Variants in NBAS observed in about 807,000 individuals in gnomAD.
NBAS encodes NBAS subunit of NRZ tethering complex, also known as NAG/BC035112 fusion.
A neutral mutation model predicts 302.5 loss-of-function variants in NBAS; 219 were observed. That is an observed-to-expected ratio of 0.72 (90% CI 0.65 to 0.81). The LOEUF (loss-of-function observed/expected upper bound fraction) is 0.81. Ranked by LOEUF, NBAS falls within the 30% of genes least tolerant of loss-of-function variation. The pLI is 0.00. For synonymous variants in NBAS, 1,118 were observed against 1,021.6 expected (o/e 1.09, Z -1.80); for missense variants, 2,932 against 2,841.6 (o/e 1.03, Z -0.72).
At chr2:15,130,213 C>A in the NBAS span, among the ~76,000 whole-genome samples, 69,630 of 152,156 alleles carry the variant, frequency 0.46, 18,303 homozygotes, top group Non-Finnish European at 0.57. Flanking sequence ...CCATGTTGAA[C>A]TATGTATCAG....
intron 21 of NBAS, among the ~76,000 whole-genome samples, chr2:15,439,449 G>C (rs2148509039): frequency 6.6e-6 from 1 of 151,462 alleles, no homozygotes; most frequent in South Asian, 2.1e-4. Context: ...CTGCACCCCA[G>C]AAAAAAGCTT....
intron 25 of NBAS, among the ~76,000 whole-genome samples, chr2:15,411,871 AGT>A (rs1676704059): frequency 6.6e-6 from 1 of 152,146 alleles, no homozygotes; most frequent in South Asian, 2.1e-4. Context: ...AAAGATTACT[AGT>A]TTAGAAGTCA....
rs1297443592 is a variant in NBAS, at chr2:15,292,777, C to T, written c.4798-11G>A. 2.5e-6 allele frequency: 4 copies of T among 1,613,210 alleles called. No homozygotes were observed. The highest frequency in any genetic ancestry group is 2.2e-5 in the East Asian group (1 of 44,870). On this transcript the variant is annotated splice_polypyrimidine_tract_variant and intron_variant, in intron 40 of 51. Coordinates refer to ENST00000281513, the MANE Select transcript of NBAS (RefSeq NM_015909.4). ...TTCTTTGGGATCAGCCTATGAAAGA[C>T]ATGGAAAAGAAGACATTTTACCAAC...
chr2:15,278,289 T>C (rs1669675739), intron 42 of NBAS, among the ~76,000 whole-genome samples: 1 of 152,208 alleles, frequency 6.6e-6, no homozygotes, highest in African/African-American at 2.4e-5. Context: ...AAACCTTATT[T>C]TTCCATTAAG....
rs115062767 is a variant in NBAS, at chr2:15,282,798, A to C, written c.5138+4275T>G. On this transcript the variant is annotated intron_variant, in intron 42 of 51. Transcript: ENST00000281513. Reference sequence around the variant, plus strand: ...AGTATAAAGACATGTCCTGTCCTCCATTTAGTTCTCCTTTGCTTACTCTGT... The same window carrying C: ...AGTATAAAGACATGTCCTGTCCTCCCTTTAGTTCTCCTTTGCTTACTCTGT... 6.0e-3 allele frequency among the ~76,000 whole-genome samples: 915 copies of C among 152,288 alleles called. 4 individuals carry two copies. The highest frequency in any genetic ancestry group is 0.019 in the African/African-American group (797 of 41,560).
intron 44 of NBAS, among the ~76,000 whole-genome samples, chr2:15,244,815 T>C (rs1668016176): frequency 6.6e-6 from 1 of 152,180 alleles, no homozygotes; most frequent in Admixed American, 6.5e-5. Flanking sequence ...GGGTGGGCTG[T>C]AGCAGACAGT....
chr2:14,944,250 AGAT>A, the NBAS span, among the ~76,000 whole-genome samples: 1 of 152,314 alleles, frequency 6.6e-6, no homozygotes, highest in Admixed American at 6.5e-5. Flanking sequence ...CAGTGAGCCG[AGAT>A]CGATCGCACC....
At chr2:14,782,611 T>C in the NBAS span, among the ~76,000 whole-genome samples, 8 of 152,154 alleles carry the variant, frequency 5.3e-5, no homozygotes, top group Non-Finnish European at 7.3e-5. Flanking sequence ...ACTGGGTTTA[T>C]ACCCAAAGGA....
At chr2:15,466,199 G>A (rs1679716895) in intron 19 of NBAS, among the ~76,000 whole-genome samples, 1 of 152,074 alleles carries the variant, frequency 6.6e-6, no homozygotes, top group South Asian at 2.1e-4. Context: ...TTTTGGATTT[G>A]CCTGCATGGT....
rs199927157 is a variant in NBAS at position 15,416,813 on chromosome 2, G to GAA, written c.2763+712_2763+713dup. Among the ~76,000 whole-genome samples the GAA allele has an allele frequency of 3.6e-4, 27 of 74,956 alleles. 1 individual carries two copies. Among genetic ancestry groups the GAA allele is most frequent in the Middle Eastern group, 8.1e-3 (1 of 124 alleles). 49.2% of individuals were successfully genotyped at this position (74,956 alleles called of 152,430 possible). On this transcript the variant is annotated intron_variant, in intron 24 of 51. Coordinates refer to ENST00000281513, the MANE Select transcript of NBAS (RefSeq NM_015909.4). ...AGAGTGAGACTCCATCTGAAAAAAAGAAAAAAAAAAAAAAAAGGAAGATAA... is the reference window on the plus strand; with the variant it reads ...AGAGTGAGACTCCATCTGAAAAAAAGAAAAAAAAAAAAAAAAAAGGAAGATAA...
the NBAS span, among the ~76,000 whole-genome samples, chr2:14,954,029 C>T: frequency 1.3e-5 from 2 of 152,128 alleles, no homozygotes; most frequent in African/African-American, 4.8e-5. Flanking sequence ...TAAGCCCTAC[C>T]CTGCTTCATT....
At chr2:15,040,898 G>A in the NBAS span, among the ~76,000 whole-genome samples, 13 of 152,232 alleles carry the variant, frequency 8.5e-5, no homozygotes, top group South Asian at 8.3e-4. Flanking sequence ...CTTCCTGTGC[G>A]GTAAAATCAG....
chr2:15,538,485 G>T (rs1055214928), intron 7 of NBAS: 1 of 260,874 alleles, frequency 3.8e-6, no homozygotes, highest in African/African-American at 2.2e-5. Context: ...AAGATCAAAT[G>T]AATCAGAATC....
chr2:15,097,639 G>A, the NBAS span, among the ~76,000 whole-genome samples: 1 of 151,636 alleles, frequency 6.6e-6, no homozygotes, highest in East Asian at 2.0e-4. Context: ...GTACAAAAGA[G>A]AGCAGGCGAG....
At chr2:15,559,062 CAAAAAAA>C (rs70961421) in intron 1 of NBAS, among the ~76,000 whole-genome samples, 20 of 50,420 alleles carry the variant, frequency 4.0e-4, no homozygotes, top group South Asian at 9.9e-4. Context: ...GACCCTGCCT[CAAAAAAA>C]AAAAAAAAAA....
chr2:14,884,966 C>T, the NBAS span, among the ~76,000 whole-genome samples: 2 of 152,110 alleles, frequency 1.3e-5, no homozygotes, highest in African/African-American at 2.4e-5. Flanking sequence ...GGTAGACAGA[C>T]AATGTGAGAC....
chr2:15,304,241 G>A (rs1474686701), intron 40 of NBAS, among the ~76,000 whole-genome samples: 1 of 152,178 alleles, frequency 6.6e-6, no homozygotes, highest in Non-Finnish European at 1.5e-5. Flanking sequence ...GTTTTATAAA[G>A]GGGCTTTTCC....
chr2:15,392,190 AAAT>A (rs1327195114), intron 28 of NBAS, among the ~76,000 whole-genome samples: 1 of 151,968 alleles, frequency 6.6e-6, no homozygotes, highest in Non-Finnish European at 1.5e-5. Flanking sequence ...TACTGCTTGC[AAAT>A]AATAATACAA....
At chr2:15,530,912 C>G (rs549743949) in intron 9 of NBAS, among the ~76,000 whole-genome samples, 1 of 151,808 alleles carries the variant, frequency 6.6e-6, no homozygotes, top group African/African-American at 2.4e-5. Context: ...TCTTAGATCT[C>G]AGAGAGGAAG....
Sources: allele counts gnomAD v4.1 joint callset (sites outside exome capture counted in the v4.1 genomes callset), GRCh38; gene constraint gnomAD v4.1.1; transcripts MANE v1.5; gene names NCBI Gene and HGNC (gene_info 2026-07-23, HGNC 2026-07-21).